MAP2K4: variants seen among roughly 807,000 people sequenced by gnomAD.
MAP2K4 encodes the protein mitogen-activated protein kinase kinase 4, also known as dual specificity mitogen-activated protein kinase kinase 4.
Under a neutral mutation model 48.5 loss-of-function variants are expected in MAP2K4, and 4 were observed. The observed-to-expected ratio is 0.08, with a 90% confidence interval of 0.04 to 0.19. The LOEUF (loss-of-function observed/expected upper bound fraction) is 0.19. MAP2K4 is among the 10% of genes least tolerant of loss of function. The probability of loss-of-function intolerance (pLI) is 1.00; values close to 1 mark genes in which losing one functional copy is unlikely to be tolerated. For missense variants in MAP2K4, 258 were observed against 493.3 expected (o/e 0.52, Z 4.52); for synonymous variants, 166 against 173.1 (o/e 0.96, Z 0.32).
intron 8 of MAP2K4, among the ~76,000 whole-genome samples, chr17:12,127,933 C>T (rs1164559489): frequency 6.6e-6 from 1 of 152,188 alleles, no homozygotes; most frequent in Non-Finnish European, 1.5e-5. Flanking sequence ...TTCTCTCTCT[C>T]TTCCTGTATG....
chr17:12,087,430 C>G (rs776470878), intron 3 of MAP2K4, among the ~76,000 whole-genome samples: 2 of 151,890 alleles, frequency 1.3e-5, no homozygotes, highest in East Asian at 3.9e-4. Context: ...AAGATGATAC[C>G]ACTCTTACCA....
At chr17:12,112,303 A>C (rs578240969) in intron 6 of MAP2K4, among the ~76,000 whole-genome samples, 1 of 152,220 alleles carries the variant, frequency 6.6e-6, no homozygotes, top group Non-Finnish European at 1.5e-5. Flanking sequence ...TCTCTACTAA[A>C]AATACAAAAA....
rs144518791 is a variant in MAP2K4, at chr17:12,040,949, T to C, written c.116-13940T>C. Among the ~76,000 whole-genome samples the C allele has an allele frequency of 2.7e-3, 419 of 152,368 alleles. 4 individuals are homozygous for C. The East Asian group carries it at 0.032, about 12-fold the overall frequency. ...TATTAAAGTCTCTCTCTCATAATGT[T>C]CTACAACTAATTTGCTCTTTTGATT... On this transcript the variant is annotated intron_variant, in intron 1 of 10. Transcript: ENST00000353533.
intron 6 of MAP2K4, among the ~76,000 whole-genome samples, chr17:12,111,443 CT>C (rs981986456): frequency 1.3e-5 from 2 of 149,162 alleles, no homozygotes; most frequent in African/African-American, 4.9e-5. Context: ...AAACAAAATT[CT>C]TTGTTTCTCT....
intron 2 of MAP2K4, among the ~76,000 whole-genome samples, chr17:12,061,665 A>G (rs1388417105): frequency 6.6e-6 from 1 of 152,242 alleles, no homozygotes; most frequent in Non-Finnish European, 1.5e-5. Context: ...ATTAGAAGAT[A>G]GCCCTGGTTT....
intron 2 of MAP2K4, among the ~76,000 whole-genome samples, chr17:12,073,041 C>A (rs1970871530): frequency 6.6e-6 from 1 of 152,022 alleles, no homozygotes; most frequent in African/African-American, 2.4e-5. Flanking sequence ...GTAGCAGTGT[C>A]CTGCTAAAAT....
intron 1 of MAP2K4, among the ~76,000 whole-genome samples, chr17:12,044,445 T>C (rs1396945030): frequency 1.3e-5 from 2 of 152,252 alleles, no homozygotes; most frequent in Non-Finnish European, 2.9e-5. Context: ...TTATGACTTA[T>C]GACCAGTCTG....
At chr17:12,059,455 T>G (rs1052930826) in intron 2 of MAP2K4, among the ~76,000 whole-genome samples, 3 of 152,256 alleles carry the variant, frequency 2.0e-5, no homozygotes, top group African/African-American at 7.2e-5. Flanking sequence ...CTGAGTCGTT[T>G]AGAATATATT....
chr17:12,062,372 G>A (rs1228987723), intron 2 of MAP2K4, among the ~76,000 whole-genome samples: 1 of 152,086 alleles, frequency 6.6e-6, no homozygotes. Flanking sequence ...ATCTTGCTCT[G>A]TTGCCCTGGC....
intron 2 of MAP2K4, among the ~76,000 whole-genome samples, chr17:12,059,038 G>A (rs1970370754): frequency 6.6e-6 from 1 of 152,014 alleles, no homozygotes; most frequent in Non-Finnish European, 1.5e-5. Context: ...GGATTTTTGG[G>A]GGGATCTTGG....
At position 12,123,655 on chromosome 17, in the gene MAP2K4, G is replaced by A. The variant is rs529389370; in HGVS notation, c.814-1639G>A. Among the ~76,000 whole-genome samples the A allele has an allele frequency of 5.3e-5, 8 of 151,908 alleles. No individual in the cohort carries two copies. The East Asian group carries it at 9.7e-4, about 18-fold the overall frequency. On this transcript the variant is annotated intron_variant, in intron 7 of 10. Transcript: ENST00000353533. ...GATTTGAGATGTCTTCTCTTCTAAT[G>A]TATGCATTTTACACTATACATTTTC...
chr17:12,047,897 A>G (rs797009201), intron 1 of MAP2K4, among the ~76,000 whole-genome samples: 8 of 152,340 alleles, frequency 5.3e-5, no homozygotes, highest in African/African-American at 1.7e-4. Flanking sequence ...GTAGTGTACT[A>G]GACCACAGAA....
intron 3 of MAP2K4, among the ~76,000 whole-genome samples, chr17:12,094,802 G>A (rs1456080315): frequency 6.6e-6 from 1 of 152,070 alleles, no homozygotes; most frequent in African/African-American, 2.4e-5. Flanking sequence ...GCTTGGTTAG[G>A]AATATATCCC....
Position 12,105,145 on chromosome 17 carries a change from T to A in MAP2K4, c.514-2645T>A, listed in dbSNP as rs1972066282. Among the ~76,000 whole-genome samples the A allele has an allele frequency of 2.0e-5, 3 of 152,270 alleles. No individual in the cohort carries two copies. In the South Asian group the frequency reaches 6.2e-4, roughly 32 times the overall value. On this transcript the variant is annotated intron_variant, in intron 4 of 10. Coordinates refer to ENST00000353533, the MANE Select transcript of MAP2K4 (RefSeq NM_003010.4). ...GTAGGTCAGTATCTCTTCTTTAAAA[T>A]TATCTTAGTTATTCTTGGCTCTACT...
chr17:12,045,734 A>C (rs945287223), intron 1 of MAP2K4, among the ~76,000 whole-genome samples: 3 of 152,208 alleles, frequency 2.0e-5, no homozygotes, highest in Non-Finnish European at 4.4e-5. Context: ...GAGGTTATCA[A>C]AGTGGCCTGT....
At chr17:12,063,605 G>T (rs953432638) in intron 2 of MAP2K4, among the ~76,000 whole-genome samples, 4 of 152,016 alleles carry the variant, frequency 2.6e-5, no homozygotes, top group African/African-American at 7.2e-5. Flanking sequence ...ATAGGACAAA[G>T]AAACCACTAA....
chr17:12,045,231 T>C (rs889043826), intron 1 of MAP2K4, among the ~76,000 whole-genome samples: 4 of 152,216 alleles, frequency 2.6e-5, no homozygotes, highest in Non-Finnish European at 5.9e-5. Flanking sequence ...AAGCACTGAT[T>C]GAAAAAATAT....
chr17:12,095,478 T>G, intron 3 of MAP2K4, 97 bp from the exon 4 acceptor site: 2 of 1,325,560 alleles, frequency 1.5e-6, no homozygotes, highest in Non-Finnish European at 2.2e-6. Flanking sequence ...TAATTTTTAG[T>G]CTCGTAACGG....
At chr17:12,088,212 C>CT (rs1410911699) in intron 3 of MAP2K4, among the ~76,000 whole-genome samples, 3 of 151,864 alleles carry the variant, frequency 2.0e-5, no homozygotes, top group Non-Finnish European at 4.4e-5. Flanking sequence ...CTCTACATCA[C>CT]TGACTTTGGT....
Sources: gnomAD v4.1 joint callset for allele counts (sites outside exome capture counted in the v4.1 genomes callset) on GRCh38, gnomAD v4.1.1 for gene constraint, MANE v1.5 for transcripts, NCBI Gene and HGNC (gene_info 2026-07-23, HGNC 2026-07-21) for gene names.